Variants in UBQLN1 observed in about 807,000 individuals in gnomAD.
The protein encoded by UBQLN1 is ubiquilin 1.
UBQLN1 carries 13 observed loss-of-function variants against 65.4 expected under a neutral mutation model. The observed-to-expected ratio is 0.20, with a 90% CI of 0.13 to 0.32. UBQLN1 has a LOEUF of 0.32. Among genes scored for constraint, UBQLN1 ranks in the 10% least tolerant of loss-of-function variants. UBQLN1 has a pLI of 1.00. For missense variants in UBQLN1, 561 were observed against 724.0 expected (o/e 0.77, Z 2.58); for synonymous variants, 267 against 247.8 (o/e 1.08, Z -0.73).
intron 8 of UBQLN1, chr9:83,665,357 C>A (rs1252461503): frequency 2.5e-6 from 1 of 403,672 alleles, no homozygotes. Flanking sequence ...CTCCTAAGTC[C>A]ATCATGAAAG....
chr9:83,698,106 A>T (rs889962853), intron 1 of UBQLN1, among the ~76,000 whole-genome samples: 3 of 152,244 alleles, frequency 2.0e-5, no homozygotes, highest in African/African-American at 7.2e-5. Context: ...ATTTTAAAAA[A>T]ATATAATGCA....
intron 2 of UBQLN1, among the ~76,000 whole-genome samples, chr9:83,683,514 T>C (rs1342483815): frequency 1.3e-5 from 2 of 151,692 alleles, no homozygotes; most frequent in Non-Finnish European, 2.9e-5. Flanking sequence ...GTAAAAAGCC[T>C]GAGAAAACTA....
intron 1 of UBQLN1, among the ~76,000 whole-genome samples, chr9:83,695,198 C>T (rs1035203441): frequency 7.9e-6 from 1 of 127,374 alleles, no homozygotes; most frequent in African/African-American, 2.9e-5. Context: ...TGGGCCCTCC[C>T]ACCTTTTTTT....
At chr9:83,706,550 G>A (rs1832410414) in intron 1 of UBQLN1, among the ~76,000 whole-genome samples, 1 of 152,178 alleles carries the variant, frequency 6.6e-6, no homozygotes, top group Admixed American at 6.5e-5. Flanking sequence ...AGGAATTGTT[G>A]TTTCCTGTCA....
rs948046064 is a variant in UBQLN1 at position 83,707,839 on chromosome 9, G to C, written c.-160C>G. 7.9e-6 allele frequency: 9 copies of C among 1,135,204 alleles called. No individual in the cohort carries two copies. The highest frequency in any genetic ancestry group is 1.1e-5 in the Non-Finnish European group (9 of 847,370). 70.3% of individuals were successfully genotyped at this position (1,135,204 alleles called of 1,614,324 possible). A position where few individuals can be genotyped will look rare whatever the true frequency, so the allele number is the denominator to read the frequency against. The stretch of plus-strand genomic sequence containing the variant: ...CGCAGGGCCACCGTAGCGGGTGTGG[G>C]GCCCCGGAGCTCGGTGCAGGCTCTG... On this transcript the variant is annotated 5_prime_UTR_variant, in exon 1 of 11. Transcript: ENST00000376395.
chr9:83,660,307 A>C lies in UBQLN1; in HGVS notation c.*1480T>G, dbSNP rs1280664791. 1 of 152,642 alleles carries C rather than the reference A, an allele frequency of 6.6e-6. No homozygotes were observed. The highest frequency in any genetic ancestry group is 1.5e-5 in the Non-Finnish European group (1 of 68,042). 9.5% of individuals were successfully genotyped at this position (152,642 alleles called of 1,614,324 possible). A position where few individuals can be genotyped will look rare whatever the true frequency, so the allele number is the denominator to read the frequency against. Reference sequence around the variant, plus strand: ...CCCTTGATTTTATTGGTCTGAATTCATTTTAGGTTACTTTAACATTTTAAT... The same window carrying C: ...CCCTTGATTTTATTGGTCTGAATTCCTTTTAGGTTACTTTAACATTTTAAT... On this transcript the variant is annotated 3_prime_UTR_variant, in exon 11 of 11. Coordinates refer to ENST00000376395, the MANE Select transcript of UBQLN1 (RefSeq NM_013438.5).
At position 83,667,789 on chromosome 9, in the gene UBQLN1, T is replaced by A. The variant is rs1321191046; in HGVS notation, c.1249-1356A>T. Reference sequence around the variant, plus strand: ...CAAGTTTTTACACTCAAGAGTCTTTTTAAATATTTAAAAATCAAAAGAATA... The same window carrying A: ...CAAGTTTTTACACTCAAGAGTCTTTATAAATATTTAAAAATCAAAAGAATA... On this transcript the variant is annotated intron_variant, in intron 7 of 10. Transcript: ENST00000376395. The A allele has an allele frequency of 2.7e-5, 26 of 973,324 alleles. No homozygotes were observed. In the African/African-American group the frequency reaches 4.4e-4, roughly 16 times the overall value. 60.3% of individuals were successfully genotyped at this position (973,324 alleles called of 1,614,324 possible). A position where few individuals can be genotyped will look rare whatever the true frequency, so the allele number is the denominator to read the frequency against.
In UBQLN1 at chr9:83,695,201, C is replaced by CAT. The variant is rs1205953400; in HGVS notation, c.181-9047_181-9046insAT. Among the ~76,000 whole-genome samples, 277 of 133,444 alleles carry CAT rather than the reference C, an allele frequency of 2.1e-3. 1 individual carries two copies. Among genetic ancestry groups the CAT allele is most frequent in the African/African-American group, 6.8e-3 (248 of 36,288 alleles). 87.5% of individuals were successfully genotyped at this position (133,444 alleles called of 152,430 possible). A position where few individuals can be genotyped will look rare whatever the true frequency, so the allele number is the denominator to read the frequency against. ...TTTTATCCTGAATGGGCCCTCCCACCTTTTTTTTTTTTTTTGAGACTAAGT... is the reference window on the plus strand; with the variant it reads ...TTTTATCCTGAATGGGCCCTCCCACCATTTTTTTTTTTTTTTTGAGACTAAGT... On this transcript the variant is annotated intron_variant, in intron 1 of 10. Coordinates refer to ENST00000376395, the MANE Select transcript of UBQLN1 (RefSeq NM_013438.5).
intron 4 of UBQLN1, among the ~76,000 whole-genome samples, chr9:83,678,880 G>A (rs10481738): frequency 0.21 from 31,748 of 152,008 alleles, 3,663 homozygotes; most frequent in African/African-American, 0.29. Context: ...ACCACGCCCC[G>A]CTAATTTTTT....
chr9:83,684,770 G>A (rs1028053704), intron 2 of UBQLN1, among the ~76,000 whole-genome samples: 4 of 147,318 alleles, frequency 2.7e-5, no homozygotes, highest in Admixed American at 6.8e-5. Context: ...AGATCGCACC[G>A]TTGCACTCCA....
At chr9:83,701,466 G>A (rs969888774) in intron 1 of UBQLN1, among the ~76,000 whole-genome samples, 2 of 152,038 alleles carry the variant, frequency 1.3e-5, no homozygotes, top group Non-Finnish European at 2.9e-5. Context: ...TCATCTCATG[G>A]TACCCTTAAC....
At position 83,661,721 on chromosome 9, in the gene UBQLN1, G is replaced by A; in HGVS notation, c.*66C>T. Reference sequence around the variant, plus strand: ...CCAAGAGTCAAAATGAAATAAAGCAGGTATTTTAAAGTTTAAGAGCCGTTA... The same window carrying A: ...CCAAGAGTCAAAATGAAATAAAGCAAGTATTTTAAAGTTTAAGAGCCGTTA... On this transcript the variant is annotated 3_prime_UTR_variant, in exon 11 of 11. Transcript: ENST00000376395. 1 of 1,494,178 alleles carries A rather than the reference G, an allele frequency of 6.7e-7. No individual in the cohort carries two copies. The highest frequency in any genetic ancestry group is 9.0e-7 in the Non-Finnish European group (1 of 1,105,436). The allele number at this position is 1,494,178 out of a possible 1,614,324, so 92.6% of individuals were successfully genotyped here.
Position 83,660,360 on chromosome 9 carries a change from A to T in UBQLN1, c.*1427T>A, listed in dbSNP as rs577030778. On this transcript the variant is annotated 3_prime_UTR_variant, in exon 11 of 11. Coordinates refer to ENST00000376395, the MANE Select transcript of UBQLN1 (RefSeq NM_013438.5). ...CCTGTAACTGTACATGAGAGAATAT[A>T]ATCACCTAAGAGAATACTGAACCAG... 2 of 152,610 alleles carry T rather than the reference A, an allele frequency of 1.3e-5. No individual in the cohort carries two copies. The highest frequency in any genetic ancestry group is 4.8e-5 in the African/African-American group (2 of 41,446). 9.5% of individuals were successfully genotyped at this position (152,610 alleles called of 1,614,324 possible).
intron 2 of UBQLN1, among the ~76,000 whole-genome samples, chr9:83,685,445 G>A (rs1040117649): frequency 6.6e-6 from 1 of 152,140 alleles, no homozygotes; most frequent in African/African-American, 2.4e-5. Flanking sequence ...CATTTTAAGT[G>A]ACAAGAAAAC....
chr9:83,666,273 A>G (rs1002952982), intron 8 of UBQLN1, 77 bp downstream of exon 8: 3 of 1,406,060 alleles, frequency 2.1e-6, no homozygotes, highest in Admixed American at 1.7e-5. Context: ...GCCAGAGAAG[A>G]GCAAGGAAAA....
At chr9:83,668,462 T>G in intron 7 of UBQLN1, 3 of 985,358 alleles carry the variant, frequency 3.0e-6, no homozygotes, top group Non-Finnish European at 3.6e-6. Flanking sequence ...CCCTGTGGTA[T>G]GGAACCTAGA....
intron 9 of UBQLN1, 50 bp from the exon 10 acceptor site, chr9:83,664,093 G>A: frequency 6.4e-7 from 1 of 1,565,868 alleles, no homozygotes; most frequent in Non-Finnish European, 8.7e-7. Flanking sequence ...AAAACCAGAA[G>A]CCAGTCCGTA....
In UBQLN1 at chr9:83,665,099, A is replaced by G. The variant is rs1285310265; in HGVS notation, c.1379T>C (p.Met460Thr). ...CTGCTGAATCTGTAACAAGGCCTGC[A>G]TTGCTCTAGGGTTTGACATTGCTGA... The part of the protein sequence containing the change: ...TLSAMSNPRA[M>T]QALLQIQQGL... Residue 460 changes from methionine to threonine, a missense_variant, in exon 9 of 11, where the codon ATG becomes ACG. Met to Thr is a moderately conservative substitution (Grantham distance 81). Around this residue, in one of 8 missense-constraint regions of UBQLN1, gnomAD observed 102 missense variants for 150.7 expected, o/e 0.68. Transcript: ENST00000376395. 3 of 1,613,874 alleles carry G rather than the reference A, an allele frequency of 1.9e-6. No individual in the cohort carries two copies. The highest frequency in any genetic ancestry group is 1.1e-5 in the South Asian group (1 of 91,056).
intron 3 of UBQLN1, among the ~76,000 whole-genome samples, chr9:83,682,678 CTTACTCATACTAAA>C (rs932941827): frequency 6.6e-6 from 1 of 152,138 alleles, no homozygotes; most frequent in African/African-American, 2.4e-5. Context: ...ACCAGCTAAT[CTTACTCATACTAAA>C]TTATGTGGTA....
Sources: allele counts gnomAD v4.1 joint callset (sites outside exome capture counted in the v4.1 genomes callset), GRCh38; gene constraint gnomAD v4.1.1; regional missense constraint gnomAD v4.1.1; transcripts MANE v1.5; gene names NCBI Gene and HGNC (gene_info 2026-07-23, HGNC 2026-07-21).